Variants in TSHZ2 observed in about 807,000 individuals in gnomAD.
The protein encoded by TSHZ2 is teashirt homolog 2.
TSHZ2 carries 21 observed loss-of-function variants against 74.4 expected under a neutral mutation model. The observed-to-expected ratio is 0.28, with a 90% CI of 0.20 to 0.41. TSHZ2 has a LOEUF of 0.41. TSHZ2 is among the 10% of genes least tolerant of loss of function. The probability of loss-of-function intolerance (pLI) is 1.00; values close to 1 mark genes in which losing one functional copy is unlikely to be tolerated. For synonymous variants in TSHZ2, 540 were observed against 515.3 expected (o/e 1.05, Z -0.65); for missense variants, 1,244 against 1,293.5 (o/e 0.96, Z 0.59).
intron 1 of TSHZ2, among the ~76,000 whole-genome samples, chr20:53,038,750 A>G (rs1983916645): frequency 6.6e-6 from 1 of 152,196 alleles, no homozygotes; most frequent in Non-Finnish European, 1.5e-5. Context: ...ATCCAGAGAG[A>G]TAAAGGTACT....
chr20:53,038,350 C>T (rs1022285543), intron 1 of TSHZ2, among the ~76,000 whole-genome samples: 4 of 151,996 alleles, frequency 2.6e-5, no homozygotes, highest in Non-Finnish European at 5.9e-5. Flanking sequence ...ACTATCCCAG[C>T]TAACTTGGGC....
In TSHZ2 at chr20:53,490,090, A is replaced by G. The variant is rs1986410074; in HGVS notation, c.*2955A>G. 6.6e-6 allele frequency: 1 copy of G among 152,208 alleles called. No homozygotes were observed. The highest frequency in any genetic ancestry group is 1.5e-5 in the Non-Finnish European group (1 of 68,036). The allele number at this position is 152,208 out of a possible 1,614,324, so 9.4% of individuals were successfully genotyped here. On this transcript the variant is annotated 3_prime_UTR_variant, in exon 3 of 3. Transcript: ENST00000371497. ...CCACCTCTTGGTACCAGTGAGAGCG[A>G]GAGATTGCCTTTTCTTCCCCATCCC...
At chr20:53,469,417 G>A (rs1009632254) in intron 2 of TSHZ2, among the ~76,000 whole-genome samples, 4 of 151,742 alleles carry the variant, frequency 2.6e-5, no homozygotes, top group Non-Finnish European at 4.4e-5. Context: ...GGTGGTGCAC[G>A]CCTGTAGTCC....
intron 1 of TSHZ2, among the ~76,000 whole-genome samples, chr20:53,228,722 C>T (rs1335672591): frequency 7.2e-6 from 1 of 137,994 alleles, no homozygotes; most frequent in Non-Finnish European, 1.6e-5. Context: ...CACCACCTCC[C>T]GAGTTGAGAC....
chr20:53,401,636 C>T (rs1370229466), intron 2 of TSHZ2, among the ~76,000 whole-genome samples: 3 of 150,438 alleles, frequency 2.0e-5, no homozygotes, highest in Admixed American at 6.7e-5. Flanking sequence ...TAAGTGAGAA[C>T]ATACGATGTG....
At chr20:53,113,501 A>C (rs907564466) in intron 1 of TSHZ2, among the ~76,000 whole-genome samples, 2 of 152,212 alleles carry the variant, frequency 1.3e-5, no homozygotes, top group Non-Finnish European at 2.9e-5. Flanking sequence ...CCTGATTGCT[A>C]CTTGCCGATG....
In TSHZ2 at chr20:53,221,441, C is replaced by T. The variant is rs139771007; in HGVS notation, c.41-32058C>T. On this transcript the variant is annotated intron_variant, in intron 1 of 2. Coordinates refer to ENST00000371497, the MANE Select transcript of TSHZ2 (RefSeq NM_173485.6). ...AGGGGCCACCTATTTTTGTTATCTT[C>T]TGGGTCAGCAGGGAATGTCCTTATC... 8.4e-4 allele frequency among the ~76,000 whole-genome samples: 128 copies of T among 152,252 alleles called. 1 individual carries two copies. Among genetic ancestry groups the T allele is most frequent in the African/African-American group, 2.9e-3 (122 of 41,536 alleles).
intron 1 of TSHZ2, among the ~76,000 whole-genome samples, chr20:53,188,257 A>G (rs1205097178): frequency 2.0e-5 from 3 of 152,194 alleles, no homozygotes; most frequent in Non-Finnish European, 2.9e-5. Context: ...CATAAATGGT[A>G]CAACATGCCT....
rs1212222175 is a variant in TSHZ2 at position 53,462,077 on chromosome 20, C to CA, written c.*9-25057dup. On this transcript the variant is annotated intron_variant, in intron 2 of 2. Transcript: ENST00000371497. ...AGAAACCCTGTCTCTACTAAAAATACAAAAAAAAAAGAAAAAAAGAAAAAA... is the reference window on the plus strand; with the variant it reads ...AGAAACCCTGTCTCTACTAAAAATACAAAAAAAAAAAGAAAAAAAGAAAAAA... Among the ~76,000 whole-genome samples, 361 of 141,490 alleles carry CA rather than the reference C, an allele frequency of 2.6e-3. 1 individual carries two copies. Among genetic ancestry groups the CA allele is most frequent in the African/African-American group, 7.3e-3 (280 of 38,396 alleles). 92.8% of individuals were successfully genotyped at this position (141,490 alleles called of 152,430 possible). A position where few individuals can be genotyped will look rare whatever the true frequency, so the allele number is the denominator to read the frequency against.
At chr20:53,240,776 G>T (rs1484002033) in intron 1 of TSHZ2, among the ~76,000 whole-genome samples, 3 of 116,684 alleles carry the variant, frequency 2.6e-5, no homozygotes, top group African/African-American at 9.3e-5. Flanking sequence ...GATAGATATG[G>T]TTTTTTAGGG....
At chr20:53,367,604 T>C (rs1981311548) in intron 2 of TSHZ2, among the ~76,000 whole-genome samples, 1 of 151,834 alleles carries the variant, frequency 6.6e-6, no homozygotes, top group Admixed American at 6.6e-5. Flanking sequence ...TGAGTCTCAC[T>C]CTGTCACCCA....
chr20:52,990,529 A>G lies in TSHZ2; in HGVS notation c.40+17196A>G, dbSNP rs1478086339. On this transcript the variant is annotated intron_variant, in intron 1 of 2. Coordinates refer to ENST00000371497, the MANE Select transcript of TSHZ2 (RefSeq NM_173485.6). ...CAGAAAAGAAATCACACTTGTCCTC[A>G]GTGTTTGTAATAGATCAAGCTTCAG... Among the ~76,000 whole-genome samples the G allele has an allele frequency of 5.3e-5, 8 of 152,284 alleles. 2 individuals are homozygous for G. Among genetic ancestry groups the G allele is most frequent in the Admixed American group, 5.2e-4 (8 of 15,300 alleles).
chr20:53,118,520 T>C (rs1986729557), intron 1 of TSHZ2, among the ~76,000 whole-genome samples: 1 of 152,088 alleles, frequency 6.6e-6, no homozygotes, highest in African/African-American at 2.4e-5. Flanking sequence ...CTGATCTTGG[T>C]CTGAAGCACA....
chr20:53,465,199 T>C (rs1292976032), intron 2 of TSHZ2, among the ~76,000 whole-genome samples: 2 of 152,230 alleles, frequency 1.3e-5, no homozygotes, highest in African/African-American at 4.8e-5. Flanking sequence ...ACTCATATTT[T>C]GCCACTCATT....
chr20:53,417,045 A>G lies in TSHZ2; in HGVS notation c.*9-70099A>G, dbSNP rs200182335. ...TCTCTTGTGGGAGGCTGTCCTGTGC[A>G]TTGTAGAATGCTGAGCAGCAGTGCT... On this transcript the variant is annotated intron_variant, in intron 2 of 2. Coordinates refer to ENST00000371497, the MANE Select transcript of TSHZ2 (RefSeq NM_173485.6). Among the ~76,000 whole-genome samples the G allele has an allele frequency of 7.2e-5, 11 of 152,132 alleles. No individual in the cohort carries two copies. The East Asian group carries it at 1.7e-3, about 24-fold the overall frequency.
intron 2 of TSHZ2, among the ~76,000 whole-genome samples, chr20:53,301,793 A>C (rs1978330310): frequency 6.6e-6 from 1 of 152,194 alleles, no homozygotes; most frequent in Non-Finnish European, 1.5e-5. Flanking sequence ...TAAAAAAGGA[A>C]CCTTCTATTA....
At chr20:53,020,772 GA>G (rs1983213722) in intron 1 of TSHZ2, among the ~76,000 whole-genome samples, 1 of 152,268 alleles carries the variant, frequency 6.6e-6, no homozygotes, top group Middle Eastern at 3.4e-3. Flanking sequence ...TCTGGATAAA[GA>G]ATCTGATAAA....
chr20:53,044,368 C>T (rs1186658849), intron 1 of TSHZ2, among the ~76,000 whole-genome samples: 1 of 152,202 alleles, frequency 6.6e-6, no homozygotes, highest in Non-Finnish European at 1.5e-5. Flanking sequence ...GGTTTTGACA[C>T]ATCAACATTC....
intron 1 of TSHZ2, among the ~76,000 whole-genome samples, chr20:53,222,247 GTACCCAAGGGTGGCATTGCTT>G (rs974327375): frequency 1.7e-5 from 2 of 117,174 alleles, no homozygotes; most frequent in African/African-American, 5.6e-5. Context: ...CTGTCTCCAA[GTACCCAAGGGTGGCATTGCTT>G]TATTTTCTCC....
Sources: allele counts gnomAD v4.1 joint callset (sites outside exome capture counted in the v4.1 genomes callset), GRCh38; gene constraint gnomAD v4.1.1; transcripts MANE v1.5; gene names NCBI Gene and HGNC (gene_info 2026-07-23, HGNC 2026-07-21).